PDE9A: variants seen among roughly 807,000 people sequenced by gnomAD.
PDE9A encodes the protein high affinity cGMP-specific 3',5'-cyclic phosphodiesterase 9A.
Under a neutral mutation model 87.4 loss-of-function variants are expected in PDE9A, and 60 were observed. That is an observed-to-expected ratio of 0.69 (90% CI 0.56 to 0.85). The LOEUF is 0.85. PDE9A is among the 40% of genes least tolerant of loss of function. The pLI is 0.00. For synonymous variants in PDE9A, 272 were observed against 279.4 expected, an observed-to-expected ratio of 0.97 and a Z score of 0.27; for missense variants, 665 against 779.0, an observed-to-expected ratio of 0.85 and a Z score of 1.74.
intron 4 of PDE9A, among the ~76,000 whole-genome samples, chr21:42,701,994 G>A (rs1465880036): frequency 1.3e-5 from 2 of 152,020 alleles, no homozygotes; most frequent in African/African-American, 2.4e-5. Flanking sequence ...AACCTGCTTG[G>A]TGTTCATTGA....
intron 17 of PDE9A, among the ~76,000 whole-genome samples, chr21:42,769,499 GCAGGTACACATGCACACAAGGC>G: frequency 9.2e-5 from 1 of 10,886 alleles, no homozygotes; most frequent in East Asian, 2.3e-3. Flanking sequence ...CACAAGGCAC[GCAGGTACACATGCACACAAGGC>G]ACACAGGCAC....
intron 8 of PDE9A, among the ~76,000 whole-genome samples, chr21:42,744,348 C>G (rs1345567774): frequency 1.3e-5 from 2 of 151,894 alleles, no homozygotes; most frequent in Non-Finnish European, 2.9e-5. Flanking sequence ...GAGCAAGACT[C>G]TGTCTCAAGA....
rs368243075 is a variant in PDE9A at position 42,762,080 on chromosome 21, C to T, written c.1086-3C>T. On this transcript the variant is annotated splice_region_variant and splice_polypyrimidine_tract_variant and intron_variant, in intron 13 of 19. Transcript: ENST00000291539. ...CTCCCCTCACTCTCTCCTTGCCTCC[C>T]AGGTACCAGATCAATGCCCGCACAG... 26 of 1,612,932 alleles carry T rather than the reference C, an allele frequency of 1.6e-5. No individual in the cohort carries two copies. The highest frequency in any genetic ancestry group is 2.0e-5 in the Non-Finnish European group (24 of 1,179,324).
intron 1 of PDE9A, 93 bp downstream of exon 1, chr21:42,653,976 G>A: frequency 1.4e-6 from 1 of 693,530 alleles, no homozygotes; most frequent in Non-Finnish European, 2.4e-6. Flanking sequence ...TGCGTCTGCC[G>A]GTCCAGGCTG....
intron 8 of PDE9A, among the ~76,000 whole-genome samples, chr21:42,746,866 G>A (rs774782226): frequency 1.3e-5 from 2 of 152,170 alleles, no homozygotes; most frequent in African/African-American, 4.8e-5. Flanking sequence ...AACCCACAGC[G>A]CCATAAACCA....
chr21:42,672,917 C>T (rs919627814), intron 1 of PDE9A, among the ~76,000 whole-genome samples: 5 of 152,174 alleles, frequency 3.3e-5, no homozygotes, highest in Admixed American at 2.0e-4. Flanking sequence ...TCTATTGAAA[C>T]ACCCAGAAAT....
chr21:42,759,142 C>A lies in PDE9A; in HGVS notation c.897+57C>A. ...GGGCACGTGGTTTCATCCAGTTCCA[C>A]AGGAATGGAGGGAATGGATCACCAG... On this transcript the variant is annotated intron_variant, in intron 11 of 19. Transcript: ENST00000291539. The surrounding 1 kb of genome is among the most constrained non-coding windows in gnomAD (Gnocchi z 7.2). The A allele has an allele frequency of 7.7e-7, 1 of 1,293,696 alleles. No individual in the cohort carries two copies. Among genetic ancestry groups the A allele is most frequent in the Non-Finnish European group, 1.1e-6 (1 of 891,496 alleles). 80.1% of individuals were successfully genotyped at this position (1,293,696 alleles called of 1,614,324 possible).
In PDE9A at chr21:42,660,009, G is replaced by A. The variant is rs561643795; in HGVS notation, c.69+6126G>A. On this transcript the variant is annotated intron_variant, in intron 1 of 19. Transcript: ENST00000291539. This position sits in a 1 kb window ranked among gnomAD's most constrained non-coding sequence, Gnocchi z 4.7. ...ACACCTCGGGGCATAAGCCGGGCAGGGAGGCGGCAGGAACTGGGCCCCAGG... is the reference window on the plus strand; with the variant it reads ...ACACCTCGGGGCATAAGCCGGGCAGAGAGGCGGCAGGAACTGGGCCCCAGG... Among the ~76,000 whole-genome samples, 1 of 152,348 alleles carries A rather than the reference G, an allele frequency of 6.6e-6. No homozygotes were observed. The highest frequency in any genetic ancestry group is 6.5e-5 in the Admixed American group (1 of 15,306).
intron 1 of PDE9A, among the ~76,000 whole-genome samples, chr21:42,664,307 C>T (rs1351857079): frequency 6.6e-6 from 1 of 152,232 alleles, no homozygotes. Flanking sequence ...TCACAAAGTG[C>T]CAGTCTCAGC....
intron 1 of PDE9A, among the ~76,000 whole-genome samples, chr21:42,669,661 A>C (rs1479176174): frequency 2.0e-5 from 3 of 152,182 alleles, no homozygotes. Context: ...GCAATGGCAC[A>C]TGCTGGCTGT....
intron 7 of PDE9A, among the ~76,000 whole-genome samples, chr21:42,738,318 C>G (rs554659014): frequency 6.6e-6 from 1 of 152,342 alleles, no homozygotes; most frequent in Admixed American, 6.5e-5. Context: ...TACGCGGGCT[C>G]TTTAGTGAGG....
At chr21:42,753,682 G>A (rs561250779) in intron 9 of PDE9A, among the ~76,000 whole-genome samples, 74 of 152,070 alleles carry the variant, frequency 4.9e-4, no homozygotes, top group African/African-American at 1.7e-3. Context: ...GGCCAACATC[G>A]TGAACTCCCC....
rs769496314 is a variant in PDE9A, at chr21:42,686,262, G to C, written c.140G>C (p.Arg47Pro). The C allele has an allele frequency of 1.3e-5, 21 of 1,612,070 alleles. No homozygotes were observed. Among genetic ancestry groups the C allele is most frequent in the Non-Finnish European group, 1.7e-5 (20 of 1,178,336 alleles). Residue 47 changes from arginine (R) to proline (P), a missense_variant and splice_region_variant, in exon 2 of 20, where the codon CGG becomes CCG. Arg to Pro is a moderately radical substitution (Grantham distance 103). Coordinates refer to ENST00000291539, the MANE Select transcript of PDE9A (RefSeq NM_002606.3). ...TTCTGCATCGCCACCGGCCTGCCTC[G>C]GTGAGTGCGCGCTGCGGGCTCTGCC... is the stretch of plus-strand genomic sequence containing the variant. ...DLFCIATGLPRNTTISLLTTD... is the reference protein window; with the variant it reads ...DLFCIATGLPPNTTISLLTTD...
intron 8 of PDE9A, among the ~76,000 whole-genome samples, chr21:42,744,802 C>T (rs1313066215): frequency 1.3e-5 from 2 of 152,194 alleles, no homozygotes; most frequent in East Asian, 1.9e-4. Flanking sequence ...ATGGAAATGC[C>T]GGTAGTAGCA....
intron 1 of PDE9A, among the ~76,000 whole-genome samples, chr21:42,680,181 G>A (rs12106414): frequency 0.086 from 13,045 of 152,276 alleles, 760 homozygotes; most frequent in East Asian, 0.33. Context: ...CAGGGTCCCA[G>A]TGTGGCCAGC....
At chr21:42,710,599 T>A (rs1305656573) in intron 4 of PDE9A, among the ~76,000 whole-genome samples, 1 of 152,198 alleles carries the variant, frequency 6.6e-6, no homozygotes, top group East Asian at 1.9e-4. Flanking sequence ...CTTATAGTTT[T>A]AATTTGCATT....
chr21:42,678,630 C>T (rs8127244), intron 1 of PDE9A, among the ~76,000 whole-genome samples: 30,921 of 152,232 alleles, frequency 0.2, 4,389 homozygotes, highest in African/African-American at 0.4. Flanking sequence ...AAAGTTTTCA[C>T]ATATGTGAAT....
At chr21:42,679,581 C>T (rs1459003565) in intron 1 of PDE9A, among the ~76,000 whole-genome samples, 1 of 152,178 alleles carries the variant, frequency 6.6e-6, no homozygotes, top group African/African-American at 2.4e-5. Flanking sequence ...CCTCCTCCGA[C>T]CCAGCCTCAC....
intron 6 of PDE9A, among the ~76,000 whole-genome samples, chr21:42,732,652 C>T (rs1289293272): frequency 1.3e-5 from 2 of 152,156 alleles, no homozygotes; most frequent in Non-Finnish European, 2.9e-5. Context: ...CGGTGGCTCA[C>T]GCCTGTAATC....
Sources: allele counts gnomAD v4.1 joint callset (sites outside exome capture counted in the v4.1 genomes callset), GRCh38; gene constraint gnomAD v4.1.1; non-coding constraint Gnocchi (gnomAD v3.1); transcripts MANE v1.5; gene names NCBI Gene and HGNC (gene_info 2026-07-23, HGNC 2026-07-21).